RBFOX1: variants seen among roughly 807,000 people sequenced by gnomAD.
RBFOX1 encodes the protein RNA binding protein fox-1 homolog 1.
RBFOX1 carries 8 observed loss-of-function variants against 57.7 expected under a neutral mutation model. That is an observed-to-expected ratio of 0.14 (90% confidence interval 0.08 to 0.25). The LOEUF is 0.25. Ranked by LOEUF, RBFOX1 falls within the 10% of genes least tolerant of loss-of-function variation. RBFOX1 has a pLI of 1.00. For synonymous variants in RBFOX1, 326 were observed against 222.4 expected, an observed-to-expected ratio of 1.47 and a Z score of -4.15; for missense variants, 611 against 548.5, an observed-to-expected ratio of 1.11 and a Z score of -1.14.
At chr16:6,881,328 A>G (rs1016578269) in intron 3 of RBFOX1, among the ~76,000 whole-genome samples, 1 of 152,162 alleles carries the variant, frequency 6.6e-6, no homozygotes, top group Non-Finnish European at 1.5e-5. Flanking sequence ...GGACTGCCAT[A>G]ACACAGTGCC....
At chr16:5,323,064 G>C (rs1356714112) in intron 1 of RBFOX1, among the ~76,000 whole-genome samples, 1 of 152,180 alleles carries the variant, frequency 6.6e-6, no homozygotes, top group Non-Finnish European at 1.5e-5. Context: ...CTGTGCCTCA[G>C]TTTCCTCACC....
intron 3 of RBFOX1, among the ~76,000 whole-genome samples, chr16:5,661,169 TCTA>T (rs1412174172): frequency 2.0e-5 from 3 of 152,236 alleles, no homozygotes; most frequent in Admixed American, 6.5e-5. Flanking sequence ...CAAAGTTGAA[TCTA>T]CTTTCCCAAC....
At chr16:7,119,174 C>T (rs1161392422) in intron 4 of RBFOX1, among the ~76,000 whole-genome samples, 1 of 152,120 alleles carries the variant, frequency 6.6e-6, no homozygotes, top group East Asian at 1.9e-4. Context: ...AGACTAGAAA[C>T]CTACACCACA....
chr16:6,759,596 C>A (rs997967458), intron 3 of RBFOX1, among the ~76,000 whole-genome samples: 5 of 151,350 alleles, frequency 3.3e-5, no homozygotes, highest in Non-Finnish European at 5.9e-5. Flanking sequence ...TCCAGTATTT[C>A]TGTGGCAGAG....
At chr16:6,580,914 T>A (rs2097528476) in intron 2 of RBFOX1, among the ~76,000 whole-genome samples, 1 of 137,200 alleles carries the variant, frequency 7.3e-6, no homozygotes. Flanking sequence ...CTTGCTTTTT[T>A]TTTTTTTTTT....
chr16:7,057,799 G>T (rs572000847), intron 4 of RBFOX1, among the ~76,000 whole-genome samples: 16 of 152,258 alleles, frequency 1.1e-4, no homozygotes, highest in Non-Finnish European at 2.2e-4. Flanking sequence ...CCTGAGATCA[G>T]GAGTTGGAGA....
intron 4 of RBFOX1, among the ~76,000 whole-genome samples, chr16:7,431,574 G>T (rs958796024): frequency 2.0e-5 from 3 of 152,134 alleles, no homozygotes; most frequent in African/African-American, 7.2e-5. Flanking sequence ...TTTAAAAAAT[G>T]CTGGTAAAAT....
intron 3 of RBFOX1, among the ~76,000 whole-genome samples, chr16:5,833,310 G>A (rs2056345546): frequency 6.6e-6 from 1 of 151,992 alleles, no homozygotes; most frequent in African/African-American, 2.4e-5. Flanking sequence ...TGGCTAACAC[G>A]GTGAAACCCC....
intron 14 of RBFOX1, 48 bp downstream of exon 14, chr16:7,676,886 A>G (rs773858389): frequency 6.6e-7 from 1 of 1,520,414 alleles, no homozygotes; most frequent in East Asian, 2.3e-5. Context: ...AAATTAACTT[A>G]GTTGATGGGA....
intron 4 of RBFOX1, among the ~76,000 whole-genome samples, chr16:7,447,288 C>T (rs182626450): frequency 1.8e-4 from 27 of 151,900 alleles, no homozygotes; most frequent in Admixed American, 1.1e-3. Context: ...CAAAAATTAG[C>T]CAGCTGTGGT....
At chr16:6,568,317 ATG>A (rs1257208425) in intron 2 of RBFOX1, among the ~76,000 whole-genome samples, 3 of 152,150 alleles carry the variant, frequency 2.0e-5, no homozygotes, top group Non-Finnish European at 4.4e-5. Flanking sequence ...ACTCACTCAT[ATG>A]GATATTGGCA....
At chr16:7,228,835 C>T (rs534878575) in intron 4 of RBFOX1, among the ~76,000 whole-genome samples, 13 of 152,146 alleles carry the variant, frequency 8.5e-5, no homozygotes, top group African/African-American at 1.7e-4. Flanking sequence ...TCTAACTTCA[C>T]GTTCACTTGA....
chr16:5,703,917 A>G (rs972431546), intron 3 of RBFOX1, among the ~76,000 whole-genome samples: 1 of 152,198 alleles, frequency 6.6e-6, no homozygotes, highest in Non-Finnish European at 1.5e-5. Flanking sequence ...TTTTACAGAA[A>G]TTTACACTAA....
intron 3 of RBFOX1, among the ~76,000 whole-genome samples, chr16:6,951,385 A>G (rs532665988): frequency 6.6e-6 from 1 of 152,266 alleles, no homozygotes; most frequent in South Asian, 2.1e-4. Context: ...CCCTAGTATA[A>G]TGGCTTAAAA....
chr16:7,178,705 C>G (rs2082130927), intron 4 of RBFOX1, among the ~76,000 whole-genome samples: 1 of 152,152 alleles, frequency 6.6e-6, no homozygotes, highest in Non-Finnish European at 1.5e-5. Flanking sequence ...AAGTCATTAT[C>G]AGTTTTGTTA....
intron 3 of RBFOX1, among the ~76,000 whole-genome samples, chr16:5,786,643 A>C (rs558025175): frequency 6.6e-6 from 1 of 152,240 alleles, no homozygotes; most frequent in South Asian, 2.1e-4. Flanking sequence ...TCTCCTTAGC[A>C]TGCCCACTGC....
intron 4 of RBFOX1, among the ~76,000 whole-genome samples, chr16:7,188,576 A>G (rs370043157): frequency 6.6e-6 from 1 of 152,140 alleles, no homozygotes; most frequent in Non-Finnish European, 1.5e-5. Flanking sequence ...ATGCTATTTT[A>G]TACTCTAAGC....
chr16:6,750,823 C>T (rs8047604), intron 3 of RBFOX1, among the ~76,000 whole-genome samples: 108,931 of 152,050 alleles, frequency 0.72, 39,612 homozygotes, highest in Middle Eastern at 0.82. Context: ...TAACAATAAA[C>T]GCCAAAGGGG....
chr16:6,059,685 T>C (rs896096653), intron 1 of RBFOX1, among the ~76,000 whole-genome samples: 1 of 152,164 alleles, frequency 6.6e-6, no homozygotes, highest in African/African-American at 2.4e-5. Flanking sequence ...GTTTCTTCCT[T>C]CTTCTATATA....
Sources: gnomAD v4.1 joint callset for allele counts (sites outside exome capture counted in the v4.1 genomes callset) on GRCh38, gnomAD v4.1.1 for gene constraint, MANE v1.5 for transcripts, NCBI Gene and HGNC (gene_info 2026-07-23, HGNC 2026-07-21) for gene names.